Variants in RAPGEF5 observed in about 807,000 individuals in gnomAD.
RAPGEF5 encodes Rap guanine nucleotide exchange factor 5.
Under a neutral mutation model 125.2 loss-of-function variants are expected in RAPGEF5, and 65 were observed. That is an observed-to-expected ratio of 0.52 (90% confidence interval 0.43 to 0.64). The LOEUF (loss-of-function observed/expected upper bound fraction) is 0.64. RAPGEF5 is among the 30% of genes least tolerant of loss of function. The pLI, the probability that RAPGEF5 is intolerant of heterozygous loss-of-function variation, is 0.00. For synonymous variants in RAPGEF5, 391 were observed against 385.9 expected (o/e 1.01, Z -0.16); for missense variants, 958 against 1,048.1 (o/e 0.91, Z 1.19).
intron 11 of RAPGEF5, among the ~76,000 whole-genome samples, chr7:22,186,549 T>C (rs1784831150): frequency 6.6e-6 from 1 of 152,200 alleles, no homozygotes. Context: ...TCTGATTCCC[T>C]CCAATAGAAT....
chr7:22,356,108 T>C, intron 1 of RAPGEF5: 1 of 985,366 alleles, frequency 1.0e-6, no homozygotes, highest in Non-Finnish European at 1.2e-6. Context: ...TTCCTGCTTC[T>C]CTTAAAAATA....
chr7:22,137,433 G>A lies in RAPGEF5; in HGVS notation c.2278-450C>T, dbSNP rs140911503. 1.4e-3 allele frequency among the ~76,000 whole-genome samples: 211 copies of A among 152,250 alleles called. 1 individual carries two copies. The highest frequency in any genetic ancestry group is 4.8e-3 in the African/African-American group (198 of 41,554). On this transcript the variant is annotated intron_variant, in intron 21 of 25. Coordinates refer to ENST00000665637, the MANE Select transcript of RAPGEF5 (RefSeq NM_012294.5). ...AAGGGCCAGGAAGACCTTAAGTGAC[G>A]AAGCCTGCACTTTAATGAGTGGAAT...
chr7:22,332,653 C>T (rs1336219967), intron 1 of RAPGEF5, among the ~76,000 whole-genome samples: 4 of 152,204 alleles, frequency 2.6e-5, no homozygotes, highest in African/African-American at 7.2e-5. Flanking sequence ...AACTTGTTTT[C>T]GAAAGCTTTC....
intron 11 of RAPGEF5, among the ~76,000 whole-genome samples, chr7:22,184,488 C>T (rs915161163): frequency 6.6e-6 from 1 of 152,142 alleles, no homozygotes; most frequent in Admixed American, 6.5e-5. Context: ...GAAAATGATG[C>T]AATTAAAAAA....
intron 2 of RAPGEF5, among the ~76,000 whole-genome samples, chr7:22,316,287 T>C (rs58599862): frequency 0.16 from 24,684 of 151,122 alleles, 2,191 homozygotes; most frequent in Non-Finnish European, 0.2. Context: ...ATTAATATAT[T>C]ACTGGGGGTA....
intron 17 of RAPGEF5, 66 bp downstream of exon 17, chr7:22,154,389 T>C (rs1219163979): frequency 8.3e-6 from 13 of 1,560,462 alleles, no homozygotes; most frequent in Non-Finnish European, 1.1e-5. Flanking sequence ...TCTACAAAAA[T>C]GTCACCTCCC....
chr7:22,300,229 T>G (rs115620979), intron 5 of RAPGEF5, among the ~76,000 whole-genome samples: 2,117 of 152,326 alleles, frequency 0.014, 48 homozygotes, highest in African/African-American at 0.048. Flanking sequence ...TCTATTTTGC[T>G]ATTGAGCCAA....
chr7:22,257,065 A>T (rs1214250668), intron 7 of RAPGEF5, among the ~76,000 whole-genome samples: 3 of 152,154 alleles, frequency 2.0e-5, no homozygotes, highest in Non-Finnish European at 2.9e-5. Context: ...GAAACTAAAA[A>T]TTTTTTACAT....
intron 7 of RAPGEF5, among the ~76,000 whole-genome samples, chr7:22,259,896 C>A (rs1782106656): frequency 6.6e-6 from 1 of 152,162 alleles, no homozygotes; most frequent in African/African-American, 2.4e-5. Flanking sequence ...CCACGCCCAG[C>A]CCAACATGGT....
intron 1 of RAPGEF5, among the ~76,000 whole-genome samples, chr7:22,321,186 G>A (rs1020008109): frequency 6.6e-6 from 1 of 151,830 alleles, no homozygotes; most frequent in African/African-American, 2.4e-5. Flanking sequence ...CTAATTACAG[G>A]CAAACCACAT....
intron 23 of RAPGEF5, among the ~76,000 whole-genome samples, chr7:22,132,309 C>G (rs984569221): frequency 6.6e-6 from 1 of 152,050 alleles, no homozygotes; most frequent in Admixed American, 6.6e-5. Flanking sequence ...GCAACCCTTT[C>G]CTCAAGGCGT....
intron 9 of RAPGEF5, among the ~76,000 whole-genome samples, chr7:22,204,406 G>A (rs975339843): frequency 6.6e-6 from 1 of 152,202 alleles, no homozygotes; most frequent in Admixed American, 6.5e-5. Flanking sequence ...CAAATTTCCT[G>A]TGCGTGTGTG....
At chr7:22,271,355 C>A (rs1460750357) in intron 6 of RAPGEF5, among the ~76,000 whole-genome samples, 1 of 152,184 alleles carries the variant, frequency 6.6e-6, no homozygotes, top group Non-Finnish European at 1.5e-5. Flanking sequence ...ATATTTCGAC[C>A]TTCATTTCAA....
At chr7:22,145,394 G>A in intron 19 of RAPGEF5, 172 bp from the exon 20 acceptor site, 1 of 574,448 alleles carries the variant, frequency 1.7e-6, no homozygotes, top group Non-Finnish European at 2.8e-6. Flanking sequence ...AGTTTTAGAG[G>A]TGCCTCATTC....
intron 9 of RAPGEF5, among the ~76,000 whole-genome samples, chr7:22,209,155 G>A (rs956720832): frequency 4.6e-5 from 7 of 152,208 alleles, no homozygotes; most frequent in Admixed American, 3.9e-4. Context: ...AATGGCAATG[G>A]CATTTAATAG....
chr7:22,314,715 G>C (rs940819319), intron 3 of RAPGEF5: 6 of 741,846 alleles, frequency 8.1e-6, no homozygotes, highest in Non-Finnish European at 9.9e-6. Context: ...ATTTGGTGTG[G>C]CTTAATATCT....
intron 17 of RAPGEF5, among the ~76,000 whole-genome samples, chr7:22,151,040 T>C (rs997199791): frequency 6.6e-6 from 1 of 152,236 alleles, no homozygotes; most frequent in Non-Finnish European, 1.5e-5. Flanking sequence ...ACATATGTCA[T>C]GTTTAATTGG....
In RAPGEF5 at chr7:22,160,605, C is replaced by T. The variant is rs928560533; in HGVS notation, c.1439G>A (p.Arg480Lys). 10 of 1,536,202 alleles carry T rather than the reference C, an allele frequency of 6.5e-6. No homozygotes were observed. The African/African-American group carries it at 9.6e-5, about 15-fold the overall frequency. The part of the protein sequence containing the change: ...HSKMFLKTIY[R>K]NVLDDVYEYP... ...TTCATAAACATCATCCAGTACATTC[C>T]TATATATGGTCTGGAGAAAAAAGAC... The change falls in exon 14 of 26, where the codon AGG (arginine) becomes AAG (lysine). Residue 480 changes from arginine (R) to lysine (K), a missense_variant. By Grantham distance (26) the Arg-to-Lys change is conservative. Transcript: ENST00000665637.
intron 25 of RAPGEF5, among the ~76,000 whole-genome samples, chr7:22,124,482 G>A (rs949271819): frequency 6.6e-6 from 1 of 152,146 alleles, no homozygotes; most frequent in South Asian, 2.1e-4. Context: ...CCTTTTCAAA[G>A]AGAAAACATA....
Sources: allele counts gnomAD v4.1 joint callset (sites outside exome capture counted in the v4.1 genomes callset), GRCh38; gene constraint gnomAD v4.1.1; transcripts MANE v1.5; gene names NCBI Gene and HGNC (gene_info 2026-07-23, HGNC 2026-07-21).